The following PCDH11Y variants were observed in gnomAD, a reference collection of about 807,000 sequenced individuals.
PCDH11Y encodes the protein protocadherin 11 Y-linked.
For missense variants in PCDH11Y, 12 were observed against 224.8 expected (o/e 0.05, Z 6.05); for synonymous variants, 9 against 83.6 (o/e 0.11, Z 4.87).
At position 5,227,905 on chromosome Y, in the gene PCDH11Y, G is replaced by A. The variant is rs1602889575; in HGVS notation, c.3129+127198G>A. ...TTTTATCTTTTTATTGTGTCAGTCT[G>A]GTTTTGGTATCAGGGTAATACTGGA... is the stretch of plus-strand genomic sequence containing the variant. On this transcript the variant is annotated intron_variant, in intron 2 of 4. Coordinates refer to the PCDH11Y transcript ENST00000400457. Among the ~76,000 whole-genome samples the A allele has an allele frequency of 2.9e-4, 9 of 31,530 alleles. No individual in the cohort carries two copies. In the East Asian group the frequency reaches 7.5e-3, roughly 26 times the overall value. 84.6% of individuals were successfully genotyped at this position (31,530 alleles called of 37,273 possible). A position where few individuals can be genotyped will look rare whatever the true frequency, so the allele number is the denominator to read the frequency against.
chrY:5,287,638 C>T (rs2053061861), intron 2 of PCDH11Y, among the ~76,000 whole-genome samples: 69 of 32,260 alleles, frequency 2.1e-3, no homozygotes, highest in Non-Finnish European at 4.2e-3. Flanking sequence ...AAGCTGGAAA[C>T]CGTCATTCTC....
At chrY:5,381,533 C>T (rs2759784) in intron 2 of PCDH11Y, among the ~76,000 whole-genome samples, 1 of 33,315 alleles carries the variant, frequency 3.0e-5, no homozygotes, top group Non-Finnish European at 7.4e-5. Flanking sequence ...CATCCTTTCT[C>T]CCTAACTAAA....
chrY:5,031,766 C>T, intron 1 of PCDH11Y: 2 of 33,190 alleles, frequency 6.0e-5, no homozygotes, highest in African/African-American at 1.2e-4. Flanking sequence ...AAATATTTAA[C>T]CTTTTCTTGA....
At chrY:5,067,827 C>A (rs35356987) in intron 1 of PCDH11Y, among the ~76,000 whole-genome samples, 1 of 30,259 alleles carries the variant, frequency 3.3e-5, no homozygotes, top group African/African-American at 1.3e-4. Flanking sequence ...CCTGGCTAAC[C>A]TGGTGAAACC....
intron 3 of PCDH11Y, among the ~76,000 whole-genome samples, chrY:5,551,241 A>T (rs2053418247): frequency 3.0e-5 from 1 of 33,133 alleles, no homozygotes. Flanking sequence ...GTAAATTGAG[A>T]GTCATATATT....
chrY:5,733,760 A>G, intron 4 of PCDH11Y, among the ~76,000 whole-genome samples: 1 of 32,003 alleles, frequency 3.1e-5, no homozygotes, highest in African/African-American at 1.2e-4. Flanking sequence ...GTGTCTAGGC[A>G]TGGAGCTGGG....
At chrY:5,238,211 G>A (rs2052979661) in intron 2 of PCDH11Y, among the ~76,000 whole-genome samples, 1 of 32,876 alleles carries the variant, frequency 3.0e-5, no homozygotes, top group Admixed American at 2.8e-4. Flanking sequence ...CATGGTATTG[G>A]TACCAAAACA....
At chrY:5,533,201 C>T in intron 3 of PCDH11Y, among the ~76,000 whole-genome samples, 1 of 32,843 alleles carries the variant, frequency 3.0e-5, no homozygotes, top group Non-Finnish European at 7.5e-5. Flanking sequence ...ATCTGTTGAC[C>T]TCTGACTATG....
chrY:5,513,397 G>T, intron 3 of PCDH11Y, among the ~76,000 whole-genome samples: 1 of 33,741 alleles, frequency 3.0e-5, no homozygotes, highest in Non-Finnish European at 7.3e-5. Context: ...TGTCATCTAG[G>T]TGAATATAAA....
intron 4 of PCDH11Y, among the ~76,000 whole-genome samples, chrY:5,707,072 A>G (rs2053583567): frequency 3.9e-5 from 1 of 25,846 alleles, no homozygotes; most frequent in African/African-American, 1.5e-4. Context: ...AGAATATTCA[A>G]TTCATAAAAA....
chrY:5,013,869 C>T, intron 1 of PCDH11Y, among the ~76,000 whole-genome samples: 2 of 31,423 alleles, frequency 6.4e-5, no homozygotes, highest in African/African-American at 2.5e-4. Context: ...CACCCAAGAA[C>T]ATGCTTTGGT....
chrY:5,331,917 C>G, intron 2 of PCDH11Y, among the ~76,000 whole-genome samples: 1 of 33,929 alleles, frequency 2.9e-5, no homozygotes, highest in African/African-American at 1.2e-4. Context: ...GTCTTAGGTA[C>G]TTTTGGGTTC....
intron 1 of PCDH11Y, among the ~76,000 whole-genome samples, chrY:5,029,389 T>C (rs2052585064): frequency 3.5e-5 from 1 of 28,375 alleles, no homozygotes; most frequent in Non-Finnish European, 8.3e-5. Context: ...GGCAGAGATA[T>C]AACCCTAACT....
chrY:5,335,611 A>C, intron 2 of PCDH11Y, among the ~76,000 whole-genome samples: 1 of 31,046 alleles, frequency 3.2e-5, no homozygotes, highest in Non-Finnish European at 7.7e-5. Context: ...GATTATTATG[A>C]GCCTTATTTA....
intron 4 of PCDH11Y, among the ~76,000 whole-genome samples, chrY:5,659,494 G>A: frequency 9.6e-5 from 3 of 31,259 alleles, no homozygotes; most frequent in African/African-American, 2.5e-4. Flanking sequence ...ACCACAATAC[G>A]AAGTCCTTCC....
At chrY:5,067,130 A>G in intron 1 of PCDH11Y, among the ~76,000 whole-genome samples, 1 of 32,812 alleles carries the variant, frequency 3.0e-5, no homozygotes. Flanking sequence ...GTTTGAGGTT[A>G]ATTATACTCT....
At chrY:5,001,645 C>G in intron 1 of PCDH11Y, among the ~76,000 whole-genome samples, 2 of 33,883 alleles carry the variant, frequency 5.9e-5, no homozygotes, top group African/African-American at 2.3e-4. Context: ...TTTTTAAAAG[C>G]GAGCAGCCGC....
At chrY:5,340,791 T>G in intron 2 of PCDH11Y, among the ~76,000 whole-genome samples, 1 of 33,874 alleles carries the variant, frequency 3.0e-5, no homozygotes. Flanking sequence ...TTTTATTAAA[T>G]AGCCTATAAT....
intron 4 of PCDH11Y, among the ~76,000 whole-genome samples, chrY:5,612,169 G>A: frequency 1.2e-4 from 4 of 32,233 alleles, no homozygotes; most frequent in Non-Finnish European, 3.0e-4. Context: ...GACCGGAGCT[G>A]TTCCTATTCG....
Sources: allele counts gnomAD v4.1 joint callset (sites outside exome capture counted in the v4.1 genomes callset), GRCh38; gene constraint gnomAD v4.1.1; transcripts MANE v1.5; gene names NCBI Gene and HGNC (gene_info 2026-07-23, HGNC 2026-07-21).